Variants in VPS4A observed in about 807,000 individuals in gnomAD.
VPS4A encodes the protein vacuolar protein sorting-associated protein 4A.
VPS4A carries 20 observed loss-of-function variants against 52.3 expected under a neutral mutation model. That is an observed-to-expected ratio of 0.38 (90% CI 0.27 to 0.56). The LOEUF is 0.56. Among genes scored for constraint, VPS4A ranks in the 20% least tolerant of loss-of-function variants. The pLI is 0.72. For synonymous variants in VPS4A, 293 were observed against 227.7 expected (o/e 1.29, Z -2.58); for missense variants, 419 against 575.9 (o/e 0.73, Z 2.79).
intron 3 of VPS4A, 123 bp downstream of exon 3, chr16:69,316,495 G>A: frequency 7.6e-7 from 1 of 1,307,596 alleles, no homozygotes; most frequent in Non-Finnish European, 1.1e-6. Flanking sequence ...GGATGACAGT[G>A]CCAGCAGCTG....
At chr16:69,313,953 TG>T in intron 1 of VPS4A, among the ~76,000 whole-genome samples, 1 of 151,798 alleles carries the variant, frequency 6.6e-6, no homozygotes. Flanking sequence ...TGTGAAAAAC[TG>T]TATGTGGCTG....
At chr16:69,319,809 G>C (rs1213087354) in intron 6 of VPS4A, among the ~76,000 whole-genome samples, 1 of 152,166 alleles carries the variant, frequency 6.6e-6, no homozygotes, top group Non-Finnish European at 1.5e-5. Context: ...GTCCCTGTTG[G>C]GGCAGTGTGT....
Position 69,320,320 on chromosome 16 carries a change from C to T in VPS4A, c.769+31C>T. 1 of 1,603,236 alleles carries T rather than the reference C, an allele frequency of 6.2e-7. No individual in the cohort carries two copies. The highest frequency in any genetic ancestry group is 8.5e-7 in the Non-Finnish European group (1 of 1,171,530). On this transcript the variant is annotated intron_variant, in intron 7 of 10. Coordinates refer to ENST00000254950, the MANE Select transcript of VPS4A (RefSeq NM_013245.3). This position sits in a 1 kb window ranked among gnomAD's most constrained non-coding sequence, Gnocchi z 4.2. ...TGCCGGGCCCAGGGCCCCCTTGGTTCTTGTTGCACCTGAAGCCAACCCTGG... is the reference window on the plus strand; with the variant it reads ...TGCCGGGCCCAGGGCCCCCTTGGTTTTTGTTGCACCTGAAGCCAACCCTGG...
At chr16:69,316,582 G>A (rs1455903766) in intron 3 of VPS4A, among the ~76,000 whole-genome samples, 12 of 152,286 alleles carry the variant, frequency 7.9e-5, no homozygotes, top group African/African-American at 2.4e-4. Context: ...TGGGGAGAGG[G>A]GGAGCTTGGT....
At chr16:69,322,433 G>T in intron 9 of VPS4A, 127 bp from the exon 10 acceptor site, 1 of 1,064,228 alleles carries the variant, frequency 9.4e-7, no homozygotes, top group Non-Finnish European at 1.3e-6. Flanking sequence ...AGTTCTGAAG[G>T]AGCCCGTCCT....
In VPS4A at chr16:69,326,864, G is replaced by T. The variant is rs1012311544; in HGVS notation, c.*2555G>T. The T allele has an allele frequency of 6.6e-6, 1 of 152,156 alleles. No homozygotes were observed. Among genetic ancestry groups the T allele is most frequent in the Non-Finnish European group, 1.5e-5 (1 of 68,038 alleles). 9.4% of individuals were successfully genotyped at this position (152,156 alleles called of 1,614,324 possible). A position where few individuals can be genotyped will look rare whatever the true frequency, so the allele number is the denominator to read the frequency against. ...GCTCACAACGTTGACATGTATATGC[G>T]TTTTTTGTGAGTGCTTCCTGCTCAA... On this transcript the variant is annotated 3_prime_UTR_variant, in exon 11 of 11. Transcript: ENST00000254950.
chr16:69,321,407 C>G lies in VPS4A; in HGVS notation c.1071+137C>G. On this transcript the variant is annotated intron_variant, in intron 9 of 10. Transcript: ENST00000254950. This position sits in a 1 kb window ranked among gnomAD's most constrained non-coding sequence, Gnocchi z 4.5. ...CTGAGGCCTCCTGGAGAGCCGAGGG[C>G]CAGTGCCATGGGGGCTGCACCCACT... 1.1e-6 allele frequency: 1 copy of G among 926,722 alleles called. No individual in the cohort carries two copies. The highest frequency in any genetic ancestry group is 2.6e-5 in the East Asian group (1 of 37,754). The allele number at this position is 926,722 out of a possible 1,614,324, so 57.4% of individuals were successfully genotyped here. A position where few individuals can be genotyped will look rare whatever the true frequency, so the allele number is the denominator to read the frequency against.
chr16:69,322,206 C>A (rs1597214726), intron 9 of VPS4A: 2 of 174,678 alleles, frequency 1.1e-5, no homozygotes, highest in South Asian at 1.6e-4. Flanking sequence ...TCAGTTACCT[C>A]CCCCTGGGTC....
chr16:69,312,148 C>A, intron 1 of VPS4A, among the ~76,000 whole-genome samples: 1 of 152,046 alleles, frequency 6.6e-6, no homozygotes, highest in East Asian at 1.9e-4. Flanking sequence ...GTTTGAATCT[C>A]AGCTCTGCCA....
Position 69,311,414 on chromosome 16 carries a change from GC to G in VPS4A, c.-96del, listed in dbSNP as rs1157191076. 8.3e-7 allele frequency: 1 copy of G among 1,204,412 alleles called. No homozygotes were observed. Among genetic ancestry groups the G allele is most frequent in the Admixed American group, 4.4e-5 (1 of 22,632 alleles). The allele number at this position is 1,204,412 out of a possible 1,614,324, so 74.6% of individuals were successfully genotyped here. On this transcript the variant is annotated 5_prime_UTR_variant, in exon 1 of 11. Coordinates refer to ENST00000254950, the MANE Select transcript of VPS4A (RefSeq NM_013245.3). ...CCGCGCACCGCGCTCAGCGCCCACCGCCGGGCTTCCCGCGCCGGACCCAGTA... is the reference window on the plus strand; with the variant it reads ...CCGCGCACCGCGCTCAGCGCCCACCGCGGGCTTCCCGCGCCGGACCCAGTA...
At position 69,311,482 on chromosome 16, in the gene VPS4A, G is replaced by A; in HGVS notation, c.-30G>A. 3.0e-6 allele frequency: 4 copies of A among 1,320,068 alleles called. No individual in the cohort carries two copies. The highest frequency in any genetic ancestry group is 2.9e-6 in the Non-Finnish European group (3 of 1,022,582). The allele number at this position is 1,320,068 out of a possible 1,614,324, so 81.8% of individuals were successfully genotyped here. Reference sequence around the variant, plus strand: ...CCGGACCGAGGCCGCAAGCAGCGCCGCGGGGTGTGGGGCGGACCCAGGAGA... The same window carrying A: ...CCGGACCGAGGCCGCAAGCAGCGCCACGGGGTGTGGGGCGGACCCAGGAGA... On this transcript the variant is annotated 5_prime_UTR_variant, in exon 1 of 11. Coordinates refer to ENST00000254950, the MANE Select transcript of VPS4A (RefSeq NM_013245.3).
At chr16:69,318,966 C>T (rs373766123) in intron 5 of VPS4A, 24 bp downstream of exon 5, 25 of 1,605,674 alleles carry the variant, frequency 1.6e-5, no homozygotes, top group Non-Finnish European at 2.0e-5. Context: ...CATTTCAAAC[C>T]CCAATGTAAA....
In VPS4A at chr16:69,325,378, T is replaced by G. The variant is rs958716835; in HGVS notation, c.*1069T>G. 3 of 142,774 alleles carry G rather than the reference T, an allele frequency of 2.1e-5. No homozygotes were observed. Among genetic ancestry groups the G allele is most frequent in the Non-Finnish European group, 3.2e-5 (2 of 62,370 alleles). 8.8% of individuals were successfully genotyped at this position (142,774 alleles called of 1,614,324 possible). A position where few individuals can be genotyped will look rare whatever the true frequency, so the allele number is the denominator to read the frequency against. On this transcript the variant is annotated 3_prime_UTR_variant, in exon 11 of 11. Transcript: ENST00000254950. ...TTGGTCTGCCGCTAACATTTAAAAG[T>G]CGAGAGTTGCTGGGCGCGGTGGCTC...
chr16:69,325,149 G>C lies in VPS4A; in HGVS notation c.*840G>C, dbSNP rs1373676073. 6.6e-6 allele frequency: 1 copy of C among 152,242 alleles called. No homozygotes were observed. Among genetic ancestry groups the C allele is most frequent in the Non-Finnish European group, 1.5e-5 (1 of 68,076 alleles). The allele number at this position is 152,242 out of a possible 1,614,324, so 9.4% of individuals were successfully genotyped here. On this transcript the variant is annotated 3_prime_UTR_variant, in exon 11 of 11. Coordinates refer to ENST00000254950, the MANE Select transcript of VPS4A (RefSeq NM_013245.3). ...TTTTCTGTCTCCTCTCTTTTCTAAA[G>C]CAGAGCAGGAAACAGAACACTGCAG...
chr16:69,320,092 G>A lies in VPS4A; in HGVS notation c.621-49G>A, dbSNP rs771212902. The A allele has an allele frequency of 1.6e-5, 25 of 1,574,376 alleles. No individual in the cohort carries two copies. The highest frequency in any genetic ancestry group is 3.5e-5 in the Admixed American group (2 of 57,264). On this transcript the variant is annotated intron_variant, in intron 6 of 10. Transcript: ENST00000254950. This position sits in a 1 kb window ranked among gnomAD's most constrained non-coding sequence, Gnocchi z 4.2. ...AGAGGGAAGTGCCGGGAGCCCAGGC[G>A]GGCACGGACGTGAACGTCTTGTCCT...
intron 3 of VPS4A, among the ~76,000 whole-genome samples, chr16:69,318,421 A>G (rs1965465008): frequency 2.0e-5 from 3 of 152,222 alleles, no homozygotes; most frequent in African/African-American, 7.2e-5. Context: ...CTGCTCCGCG[A>G]AGAAACAGGG....
Position 69,319,422 on chromosome 16 carries a change from G to A in VPS4A, c.499G>A (p.Gly167Arg), listed in dbSNP as rs867659456. The A allele has an allele frequency of 6.2e-7, 1 of 1,614,006 alleles. No homozygotes were observed. The highest frequency in any genetic ancestry group is 1.1e-5 in the South Asian group (1 of 91,082). The change falls in exon 6 of 11, where the codon GGA becomes AGA. Residue 167 changes from glycine to arginine, a missense_variant. By Grantham distance (125) the Gly-to-Arg change is moderately radical (BLOSUM62 -2). Around this residue, in one of 3 missense-constraint regions of VPS4A, gnomAD observed 103 missense variants for 210.3 expected, o/e 0.49. Transcript: ENST00000254950. Reference protein sequence around the residue: ...RTPWRGILLFGPPGTGKSYLA... With the variant: ...RTPWRGILLFRPPGTGKSYLA... The stretch of plus-strand genomic sequence containing the variant: ...CCCCTGGCGGGGGATTCTGCTGTTC[G>A]GACCCCCTGGCACAGGGAAATCCTA...
rs199701300 is a variant in VPS4A at position 69,321,121 on chromosome 16, G to A, written c.922G>A (p.Gly308Arg). ...CGCCCAGATGTTCCGGTTGCATCTC[G>A]GGAGCACTCCCCACAACCTCACGGA... ...ARAQMFRLHL[G>R]STPHNLTDAN... Residue 308 changes from glycine to arginine, a missense_variant, in exon 9 of 11, where the codon GGG becomes AGG. Transcript: ENST00000254950. This position sits in a 1 kb window ranked among gnomAD's most constrained non-coding sequence, Gnocchi z 4.5. 5.0e-6 allele frequency: 8 copies of A among 1,594,920 alleles called. No individual in the cohort carries two copies. The highest frequency in any genetic ancestry group is 2.7e-5 in the African/African-American group (2 of 74,276).
rs761822219 is a variant in VPS4A at position 69,320,102 on chromosome 16, G to A, written c.621-39G>A. On this transcript the variant is annotated intron_variant, in intron 6 of 10. Coordinates refer to ENST00000254950, the MANE Select transcript of VPS4A (RefSeq NM_013245.3). The surrounding 1 kb of genome is among the most constrained non-coding windows in gnomAD (Gnocchi z 4.2). ...GCCGGGAGCCCAGGCGGGCACGGAC[G>A]TGAACGTCTTGTCCTCACCCCCTTT... 27 of 1,592,312 alleles carry A rather than the reference G, an allele frequency of 1.7e-5. No individual in the cohort carries two copies. Among genetic ancestry groups the A allele is most frequent in the Middle Eastern group, 1.7e-4 (1 of 5,722 alleles).
Sources: allele counts gnomAD v4.1 joint callset (sites outside exome capture counted in the v4.1 genomes callset), GRCh38; gene constraint gnomAD v4.1.1; regional missense constraint gnomAD v4.1.1; non-coding constraint Gnocchi (gnomAD v3.1); transcripts MANE v1.5; gene names NCBI Gene and HGNC (gene_info 2026-07-23, HGNC 2026-07-21).